SGSM3: variants seen among roughly 807,000 people sequenced by gnomAD.
SGSM3 encodes the protein small G protein signaling modulator 3.
Under a neutral mutation model 100.5 loss-of-function variants are expected in SGSM3, and 96 were observed. The ratio of observed to expected loss-of-function variants is 0.96; its 90% CI spans 0.81 to 1.13. SGSM3 has a LOEUF of 1.13. SGSM3 is among the 50% of genes most tolerant of loss of function. The pLI, the probability that SGSM3 is intolerant of heterozygous loss-of-function variation, is 0.00. For synonymous variants in SGSM3, 483 were observed against 422.8 expected, an observed-to-expected ratio of 1.14 and a Z score of -1.75; for missense variants, 1,001 against 1,015.8, an observed-to-expected ratio of 0.99 and a Z score of 0.20.
chr22:40,401,716 G>C, intron 3 of SGSM3, 41 bp downstream of exon 3: 4 of 1,563,110 alleles, frequency 2.6e-6, no homozygotes, highest in Non-Finnish European at 2.6e-6. Flanking sequence ...GTGCTCCCAC[G>C]CTGTGGTATG....
At chr22:40,405,974 C>T (rs545128523) in intron 8 of SGSM3, 104 bp from the exon 9 acceptor site, 17 of 1,503,022 alleles carry the variant, frequency 1.1e-5, no homozygotes, top group Non-Finnish European at 1.5e-5. Context: ...TGTTCCCTGC[C>T]CCCTCCCCTC....
chr22:40,409,439 C>A (rs1437556582), intron 20 of SGSM3, 26 bp from the exon 21 acceptor site: 2 of 1,564,648 alleles, frequency 1.3e-6, no homozygotes, highest in Non-Finnish European at 1.7e-6. Context: ...GTGACAAGAG[C>A]CTTACCACCC....
Position 40,407,902 on chromosome 22 carries a change from C to T in SGSM3, c.1579+59C>T. 6.5e-7 allele frequency: 1 copy of T among 1,539,326 alleles called. No individual in the cohort carries two copies. Among genetic ancestry groups the T allele is most frequent in the Non-Finnish European group, 8.9e-7 (1 of 1,128,446 alleles). On this transcript the variant is annotated intron_variant, in intron 14 of 21. Transcript: ENST00000248929. The surrounding 1 kb of genome is among the most constrained non-coding windows in gnomAD (Gnocchi z 4.7). ...GGGAGGAGGGGGTGGGCACAGAAGA[C>T]TTGGGTGACCCTGGCCGCCACCAAG...
At chr22:40,397,886 A>G (rs1466007674) in intron 1 of SGSM3, among the ~76,000 whole-genome samples, 1 of 151,728 alleles carries the variant, frequency 6.6e-6, no homozygotes, top group Non-Finnish European at 1.5e-5. Flanking sequence ...CTCTTCTGAT[A>G]GTCTCCACAC....
At chr22:40,376,094 C>T (rs2046509833) in intron 1 of SGSM3, among the ~76,000 whole-genome samples, 1 of 150,608 alleles carries the variant, frequency 6.6e-6, no homozygotes, top group South Asian at 2.1e-4. Flanking sequence ...AGATCATTTC[C>T]CTTTTCCCTC....
At position 40,398,116 on chromosome 22, in the gene SGSM3, C is replaced by T. The variant is rs148435464; in HGVS notation, c.-111-2580C>T. Among the ~76,000 whole-genome samples, 61 of 151,956 alleles carry T rather than the reference C, an allele frequency of 4.0e-4. No homozygotes were observed. In the East Asian group the frequency reaches 0.01, roughly 26 times the overall value. ...CCGAGTAGCTGGGACTACAGGCACA[C>T]GCCACCACGCCCAGCTAATTTTTGT... On this transcript the variant is annotated intron_variant, in intron 1 of 21. Coordinates refer to ENST00000248929, the MANE Select transcript of SGSM3 (RefSeq NM_015705.6).
intron 1 of SGSM3, among the ~76,000 whole-genome samples, chr22:40,385,339 G>A (rs1190381650): frequency 2.6e-5 from 4 of 152,178 alleles, no homozygotes; most frequent in Non-Finnish European, 5.9e-5. Context: ...AGCTTGAGTG[G>A]GTACAGGGAT....
chr22:40,410,058 A>T lies in SGSM3; in HGVS notation c.*299A>T. ...AGGGAAGGGGATGGGGGTGGCTAGTAGGCTCCTGGCCTCTTTGGTTTATAA... is the reference window on the plus strand; with the variant it reads ...AGGGAAGGGGATGGGGGTGGCTAGTTGGCTCCTGGCCTCTTTGGTTTATAA... On this transcript the variant is annotated 3_prime_UTR_variant, in exon 22 of 22. Transcript: ENST00000248929. The T allele has an allele frequency of 1.6e-6, 2 of 1,269,262 alleles. No homozygotes were observed. Among genetic ancestry groups the T allele is most frequent in the Non-Finnish European group, 2.0e-6 (2 of 1,002,286 alleles). 78.6% of individuals were successfully genotyped at this position (1,269,262 alleles called of 1,614,324 possible). A position where few individuals can be genotyped will look rare whatever the true frequency, so the allele number is the denominator to read the frequency against.
At chr22:40,374,809 C>T (rs2046279840) in intron 1 of SGSM3, among the ~76,000 whole-genome samples, 1 of 152,088 alleles carries the variant, frequency 6.6e-6, no homozygotes, top group Non-Finnish European at 1.5e-5. Flanking sequence ...GGGCTCAGCT[C>T]AGGAGGTCGA....
At position 40,407,565 on chromosome 22, in the gene SGSM3, C is replaced by T. The variant is rs1221285189; in HGVS notation, c.1521C>T (p.Ile507=). The change falls in exon 13 of 22, where the codon ATC becomes ATT. Residue 507 remains isoleucine (I), a synonymous_variant. Coordinates refer to ENST00000248929, the MANE Select transcript of SGSM3 (RefSeq NM_015705.6). The surrounding 1 kb of genome is among the most constrained non-coding windows in gnomAD (Gnocchi z 4.7). ...TGGGCTTCCGCAAGAACGACATCAT[C>T]ACAGTGCGTGGGGGCGCTGGACTAC... ...DELGFRKNDI[I]TIVSQKDEHC... 6.2e-6 allele frequency: 10 copies of T among 1,602,940 alleles called. 1 individual carries two copies. Among genetic ancestry groups the T allele is most frequent in the Middle Eastern group, 3.3e-4 (2 of 6,058 alleles).
intron 1 of SGSM3, among the ~76,000 whole-genome samples, chr22:40,391,194 G>C (rs2049314887): frequency 6.6e-6 from 1 of 152,210 alleles, no homozygotes; most frequent in African/African-American, 2.4e-5. Flanking sequence ...CGCATCACCT[G>C]GGAGAGGCAG....
chr22:40,386,441 C>T (rs2048454831), intron 1 of SGSM3, among the ~76,000 whole-genome samples: 2 of 152,106 alleles, frequency 1.3e-5, no homozygotes, highest in African/African-American at 4.8e-5. Context: ...TCCAATGGGC[C>T]TGTCTCTAGC....
At chr22:40,383,133 G>C (rs1262052652) in intron 1 of SGSM3, among the ~76,000 whole-genome samples, 1 of 152,160 alleles carries the variant, frequency 6.6e-6, no homozygotes, top group Non-Finnish European at 1.5e-5. Context: ...AGAGCTTTCA[G>C]TTTATAGATA....
intron 3 of SGSM3, 28 bp downstream of exon 3, chr22:40,401,703 G>T: frequency 6.3e-7 from 1 of 1,590,486 alleles, no homozygotes; most frequent in Non-Finnish European, 8.6e-7. Flanking sequence ...GCACCAGCCT[G>T]CTGTGCTCCC....
chr22:40,408,458 C>T (rs1418337298), intron 16 of SGSM3, 29 bp downstream of exon 16: 9 of 1,612,438 alleles, frequency 5.6e-6, no homozygotes, highest in Non-Finnish European at 5.9e-6. Flanking sequence ...CCATGACCCC[C>T]ACCCTGCACC....
intron 19 of SGSM3, 21 bp from the exon 20 acceptor site, chr22:40,409,229 C>G: frequency 3.8e-6 from 6 of 1,586,042 alleles, no homozygotes; most frequent in Non-Finnish European, 5.1e-6. Context: ...CCCTGCTCCC[C>G]ACTCCTGGCC....
intron 9 of SGSM3, 67 bp from the exon 10 acceptor site, chr22:40,406,371 G>T (rs2051521212): frequency 5.4e-6 from 8 of 1,494,490 alleles, no homozygotes; most frequent in Non-Finnish European, 7.2e-6. Context: ...TGGGGGTTGG[G>T]GTCAGCTCAG....
Position 40,390,798 on chromosome 22 carries a change from G to C in SGSM3, c.-111-9898G>C, listed in dbSNP as rs906631202. 4.6e-5 allele frequency among the ~76,000 whole-genome samples: 7 copies of C among 152,276 alleles called. No individual in the cohort carries two copies. The East Asian group carries it at 1.4e-3, about 29-fold the overall frequency. The stretch of plus-strand genomic sequence containing the variant: ...GGCAATGCTTCAGCTGTGCCTTGAA[G>C]AATAAGTCAGGTAAAGAGGAGGGCA... On this transcript the variant is annotated intron_variant, in intron 1 of 21. Transcript: ENST00000248929.
rs2052214276 is a variant in SGSM3 at position 40,409,318 on chromosome 22, A to G, written c.2057A>G (p.Gln686Arg). 1 of 1,613,194 alleles carries G rather than the reference A, an allele frequency of 6.2e-7. No individual in the cohort carries two copies. The highest frequency in any genetic ancestry group is 8.5e-7 in the Non-Finnish European group (1 of 1,179,904). ...CTGCCCACCGTGGAGAAGTGGTACC[A>G]GCCCTGGTCCTTCCTGCGCAGCCCG... ...SSLPTVEKWY[Q>R]PWSFLRSPGW... Residue 686 changes from glutamine to arginine, a missense_variant, in exon 20 of 22, where the codon CAG becomes CGG. Physicochemically the swap from Gln to Arg is conservative, Grantham distance 43 (BLOSUM62 1). Coordinates refer to ENST00000248929, the MANE Select transcript of SGSM3 (RefSeq NM_015705.6).
Sources: gnomAD v4.1 joint callset for allele counts (sites outside exome capture counted in the v4.1 genomes callset) on GRCh38, gnomAD v4.1.1 for gene constraint, Gnocchi (gnomAD v3.1) non-coding constraint, MANE v1.5 for transcripts, NCBI Gene and HGNC (gene_info 2026-07-23, HGNC 2026-07-21) for gene names.